NTSR1: variants seen among roughly 807,000 people sequenced by gnomAD.
The protein encoded by NTSR1 is neurotensin receptor type 1.
In NTSR1, 29 loss-of-function variants were observed where a neutral mutation model predicts 31.2. The ratio of observed to expected loss-of-function variants is 0.93; its 90% CI spans 0.69 to 1.27. NTSR1 has a LOEUF of 1.27. Among genes scored for constraint, NTSR1 ranks in the 50% most tolerant of loss-of-function variants. The pLI is 0.00. For synonymous variants in NTSR1, 282 were observed against 269.9 expected (o/e 1.04, Z -0.44); for missense variants, 697 against 595.4 (o/e 1.17, Z -1.78).
chr20:62,754,790 G>A lies in NTSR1; in HGVS notation c.820G>A (p.Gly274Ser), dbSNP rs1003839080. The A allele has an allele frequency of 3.1e-6, 5 of 1,611,758 alleles. No homozygotes were observed. The Admixed American group carries it at 8.3e-5, about 27-fold the overall frequency. The change falls in exon 2 of 4, where the codon GGC becomes AGC. Residue 274 changes from glycine to serine, a missense_variant. Transcript: ENST00000370501. ...TVMVRQAAEQ[G>S]QVCTVGGEHS... ...CATGGTACGCCAGGCGGCCGAGCAGGGCCAAGTGTGCACGGTCGGGGGCGA... is the reference window on the plus strand; with the variant it reads ...CATGGTACGCCAGGCGGCCGAGCAGAGCCAAGTGTGCACGGTCGGGGGCGA...
chr20:62,709,857 AG>A lies in NTSR1; in HGVS notation c.651del (p.Gln217HisfsTer39). 1.2e-6 allele frequency: 2 copies of A among 1,607,892 alleles called. No individual in the cohort carries two copies. Among genetic ancestry groups the A allele is most frequent in the Non-Finnish European group, 1.7e-6 (2 of 1,176,236 alleles). On this transcript the variant is annotated frameshift_variant, in exon 1 of 4. Coordinates refer to ENST00000370501, the MANE Select transcript of NTSR1 (RefSeq NM_002531.3). LOFTEE classifies it high-confidence loss of function. ...GAGCAGAACCGCAGCGCCGACGGCC[AG>A]CACGCCGGCGGCCTGGTGTGCACCC... ...MGEQNRSADG[Q>X]HAGGLVCTPT...
chr20:62,750,457 G>A (rs1989373687), intron 1 of NTSR1, among the ~76,000 whole-genome samples: 1 of 152,102 alleles, frequency 6.6e-6, no homozygotes, highest in East Asian at 1.9e-4. Flanking sequence ...TTGGGAGGCC[G>A]AGGCGGGTGG....
intron 1 of NTSR1, among the ~76,000 whole-genome samples, chr20:62,723,704 C>A (rs1290261709): frequency 6.6e-6 from 1 of 152,206 alleles, no homozygotes; most frequent in Admixed American, 6.5e-5. Flanking sequence ...AGAGGTCTTT[C>A]CAGCCCAGGG....
At position 62,711,564 on chromosome 20, in the gene NTSR1, C is replaced by G. The variant is rs1416045821; in HGVS notation, c.714+1643C>G. 8.0e-6 allele frequency among the ~76,000 whole-genome samples: 1 copy of G among 124,850 alleles called. No homozygotes were observed. The highest frequency in any genetic ancestry group is 3.0e-5 in the African/African-American group (1 of 33,746). The allele number at this position is 124,850 out of a possible 152,430, so 81.9% of individuals were successfully genotyped here. A position where few individuals can be genotyped will look rare whatever the true frequency, so the allele number is the denominator to read the frequency against. On this transcript the variant is annotated intron_variant, in intron 1 of 3. Coordinates refer to ENST00000370501, the MANE Select transcript of NTSR1 (RefSeq NM_002531.3). The surrounding 1 kb of genome is among the most constrained non-coding windows in gnomAD (Gnocchi z 6.4). Reference sequence around the variant, plus strand: ...CAGACCCCGGATCCCCCCACTCAGACCCCCGATCCCCCCGCTCAGATCCCC... The same window carrying G: ...CAGACCCCGGATCCCCCCACTCAGAGCCCCGATCCCCCCGCTCAGATCCCC...
chr20:62,741,679 G>A lies in NTSR1; in HGVS notation c.715-13006G>A, dbSNP rs1568706389. Among the ~76,000 whole-genome samples the A allele has an allele frequency of 6.7e-6, 1 of 149,800 alleles. No homozygotes were observed. Among genetic ancestry groups the A allele is most frequent in the Non-Finnish European group, 1.5e-5 (1 of 68,022 alleles). ...GAAGAAAAGTGCAGGGAACAGAGTG[G>A]AGGAGCCATGGACAGAGGCTGTGGG... On this transcript the variant is annotated intron_variant, in intron 1 of 3. Transcript: ENST00000370501. This position sits in a 1 kb window ranked among gnomAD's most constrained non-coding sequence, Gnocchi z 4.3.
intron 1 of NTSR1, among the ~76,000 whole-genome samples, chr20:62,718,502 A>G (rs1988773925): frequency 1.3e-5 from 2 of 152,122 alleles, no homozygotes; most frequent in Non-Finnish European, 2.9e-5. Context: ...CCACTTCAGA[A>G]GACACACCGG....
chr20:62,741,454 G>A lies in NTSR1; in HGVS notation c.715-13231G>A, dbSNP rs1387908342. ...CGCTCAGAGGACGGGTCTGCAGGTG[G>A]CCAGAGTTCTCCTGATGGGGTCCTT... is the stretch of plus-strand genomic sequence containing the variant. On this transcript the variant is annotated intron_variant, in intron 1 of 3. Coordinates refer to ENST00000370501, the MANE Select transcript of NTSR1 (RefSeq NM_002531.3). This position sits in a 1 kb window ranked among gnomAD's most constrained non-coding sequence, Gnocchi z 4.3. Among the ~76,000 whole-genome samples the A allele has an allele frequency of 4.7e-5, 7 of 149,626 alleles. No individual in the cohort carries two copies. Among genetic ancestry groups the A allele is most frequent in the Non-Finnish European group, 8.8e-5 (6 of 68,014 alleles).
rs59903116 is a variant in NTSR1, at chr20:62,760,402, AC to A, written c.*143del. On this transcript the variant is annotated 3_prime_UTR_variant, in exon 4 of 4. Coordinates refer to ENST00000370501, the MANE Select transcript of NTSR1 (RefSeq NM_002531.3). ...CCTGCACTGGAGTCTGAGGCCTGGG[AC>A]CCCCCCCTCCCACCCCCTAACCCAT... The A allele has an allele frequency of 3.4e-4, 294 of 861,776 alleles. No homozygotes were observed. Among genetic ancestry groups the A allele is most frequent in the Admixed American group, 4.6e-4 (13 of 28,170 alleles). The allele number at this position is 861,776 out of a possible 1,614,324, so 53.4% of individuals were successfully genotyped here.
At position 62,745,303 on chromosome 20, in the gene NTSR1, G is replaced by A. The variant is rs1265390973; in HGVS notation, c.715-9382G>A. 2.0e-5 allele frequency among the ~76,000 whole-genome samples: 3 copies of A among 151,550 alleles called. No individual in the cohort carries two copies. Among genetic ancestry groups the A allele is most frequent in the Admixed American group, 6.6e-5 (1 of 15,240 alleles). ...GAGACAGAGAAACAGACACATAGAG[G>A]AAAACAGACACAGGGAGACACAGAG... On this transcript the variant is annotated intron_variant, in intron 1 of 3. Transcript: ENST00000370501. This position sits in a 1 kb window ranked among gnomAD's most constrained non-coding sequence, Gnocchi z 4.1.
At position 62,745,420 on chromosome 20, in the gene NTSR1, CAG is replaced by C. The variant is rs796444636; in HGVS notation, c.715-9257_715-9256del. 6.6e-6 allele frequency among the ~76,000 whole-genome samples: 1 copy of C among 151,308 alleles called. No homozygotes were observed. Among genetic ancestry groups the C allele is most frequent in the African/African-American group, 2.4e-5 (1 of 41,092 alleles). The stretch of plus-strand genomic sequence containing the variant: ...AGAGACACAGACTCAGGAAAACAGA[CAG>C]AGAGAGACACAGGAGAACAGAGACA... On this transcript the variant is annotated intron_variant, in intron 1 of 3. Transcript: ENST00000370501. The surrounding 1 kb of genome is among the most constrained non-coding windows in gnomAD (Gnocchi z 4.1).
At position 62,709,009 on chromosome 20, in the gene NTSR1, A is replaced by G; in HGVS notation, c.-199A>G. 2.2e-6 allele frequency: 1 copy of G among 457,994 alleles called. No individual in the cohort carries two copies. Among genetic ancestry groups the G allele is most frequent in the Non-Finnish European group, 3.8e-6 (1 of 265,310 alleles). The allele number at this position is 457,994 out of a possible 1,614,324, so 28.4% of individuals were successfully genotyped here. On this transcript the variant is annotated 5_prime_UTR_variant, in exon 1 of 4. Transcript: ENST00000370501. ...GAGCCGGAAGCTGGGAGTCCGGAGG[A>G]GAGCGGAGCCCGGAGCCCGGAGCCC...
intron 1 of NTSR1, among the ~76,000 whole-genome samples, chr20:62,718,650 G>A (rs1988778588): frequency 1.3e-5 from 2 of 151,402 alleles, no homozygotes. Context: ...CTCTCGAGCC[G>A]GCCTTCTTCC....
At chr20:62,751,320 T>C (rs1290434518) in intron 1 of NTSR1, among the ~76,000 whole-genome samples, 2 of 152,232 alleles carry the variant, frequency 1.3e-5, no homozygotes, top group Admixed American at 6.5e-5. Flanking sequence ...CTTCTTACCA[T>C]GTGGAATTTT....
Position 62,716,411 on chromosome 20 carries a change from G to A in NTSR1, c.714+6490G>A, listed in dbSNP as rs183405858. Among the ~76,000 whole-genome samples the A allele has an allele frequency of 1.5e-4, 23 of 152,258 alleles. No individual in the cohort carries two copies. The South Asian group carries it at 2.9e-3, about 19-fold the overall frequency. ...GAGCCGTTGGGACAGGAGGAAGGTC[G>A]GAGGAGGGGTGGGGTGGCCATAGGG... On this transcript the variant is annotated intron_variant, in intron 1 of 3. Coordinates refer to ENST00000370501, the MANE Select transcript of NTSR1 (RefSeq NM_002531.3).
intron 1 of NTSR1, among the ~76,000 whole-genome samples, chr20:62,740,728 T>C (rs1055515152): frequency 6.6e-5 from 10 of 151,868 alleles, no homozygotes; most frequent in East Asian, 2.0e-4. Flanking sequence ...ATTCCACCCC[T>C]CACTCACTGC....
At position 62,711,771 on chromosome 20, in the gene NTSR1, T is replaced by C. The variant is rs1703780260; in HGVS notation, c.714+1850T>C. On this transcript the variant is annotated intron_variant, in intron 1 of 3. Transcript: ENST00000370501. This position sits in a 1 kb window ranked among gnomAD's most constrained non-coding sequence, Gnocchi z 6.4. ...GGGCTCTCTGCCAGGTACTTGGGAT[T>C]GGGCACCTGGGGGACATCACTTTGC... Among the ~76,000 whole-genome samples the C allele has an allele frequency of 6.6e-6, 1 of 152,188 alleles. No individual in the cohort carries two copies. The highest frequency in any genetic ancestry group is 2.4e-5 in the African/African-American group (1 of 41,462).
chr20:62,753,549 G>C (rs192796006), intron 1 of NTSR1, among the ~76,000 whole-genome samples: 13 of 152,326 alleles, frequency 8.5e-5, no homozygotes, highest in Admixed American at 8.5e-4. Context: ...AAAGCTTCTT[G>C]GAATCAGAAA....
rs568067941 is a variant in NTSR1 at position 62,730,614 on chromosome 20, G to A, written c.714+20693G>A. On this transcript the variant is annotated intron_variant, in intron 1 of 3. Coordinates refer to ENST00000370501, the MANE Select transcript of NTSR1 (RefSeq NM_002531.3). ...AGTAGAAATGCCAAGGAGGGCGATC[G>A]TTGGAACACGTGGTAAGGATACGTT... Among the ~76,000 whole-genome samples, 9 of 152,360 alleles carry A rather than the reference G, an allele frequency of 5.9e-5. No individual in the cohort carries two copies. The East Asian group carries it at 7.7e-4, about 13-fold the overall frequency.
At chr20:62,727,018 C>A (rs762691855) in intron 1 of NTSR1, among the ~76,000 whole-genome samples, 2 of 152,208 alleles carry the variant, frequency 1.3e-5, no homozygotes, top group African/African-American at 4.8e-5. Context: ...CTTGCCAGAG[C>A]TTGTGGGGTG....
Sources: gnomAD v4.1 joint callset for allele counts (sites outside exome capture counted in the v4.1 genomes callset) on GRCh38, gnomAD v4.1.1 for gene constraint, Gnocchi (gnomAD v3.1) non-coding constraint, MANE v1.5 for transcripts, NCBI Gene and HGNC (gene_info 2026-07-23, HGNC 2026-07-21) for gene names.